CNTN1: variants seen among roughly 807,000 people sequenced by gnomAD.
CNTN1 encodes contactin-1.
Under a neutral mutation model 126.4 loss-of-function variants are expected in CNTN1, and 38 were observed. The observed-to-expected ratio is 0.30, with a 90% CI of 0.23 to 0.39. CNTN1 has a LOEUF of 0.39. Among genes scored for constraint, CNTN1 ranks in the 10% least tolerant of loss-of-function variants. CNTN1 has a pLI of 1.00. For missense variants in CNTN1, 1,009 were observed against 1,248.4 expected, an observed-to-expected ratio of 0.81 and a Z score of 2.89; for synonymous variants, 413 against 422.6, an observed-to-expected ratio of 0.98 and a Z score of 0.28.
chr12:40,804,965 CA>C (rs1393025794), intron 1 of CNTN1, among the ~76,000 whole-genome samples: 1 of 151,782 alleles, frequency 6.6e-6, no homozygotes, highest in Non-Finnish European at 1.5e-5. Flanking sequence ...TTTCCTTCTT[CA>C]AAGATATCAC....
intron 1 of CNTN1, among the ~76,000 whole-genome samples, chr12:40,844,356 A>G (rs573526551): frequency 6.6e-6 from 1 of 152,098 alleles, no homozygotes; most frequent in South Asian, 2.1e-4. Flanking sequence ...ATGAGCCACC[A>G]CGCCTGGCCA....
chr12:40,902,984 C>T (rs759289853), intron 1 of CNTN1, among the ~76,000 whole-genome samples: 3 of 152,112 alleles, frequency 2.0e-5, no homozygotes, highest in East Asian at 1.9e-4. Context: ...GAAAGAAAGA[C>T]GAAGATGTGT....
intron 1 of CNTN1, among the ~76,000 whole-genome samples, chr12:40,825,837 G>T (rs1941598440): frequency 6.6e-6 from 1 of 150,448 alleles, no homozygotes; most frequent in African/African-American, 2.4e-5. Context: ...CAATGATGAT[G>T]ATAATGATGA....
At chr12:40,925,563 A>G (rs1480500289) in intron 6 of CNTN1, among the ~76,000 whole-genome samples, 1 of 146,240 alleles carries the variant, frequency 6.8e-6, no homozygotes, top group Non-Finnish European at 1.5e-5. Context: ...ATATACACGT[A>G]TATATACGTA....
intron 16 of CNTN1, among the ~76,000 whole-genome samples, chr12:40,989,105 G>A (rs1032774941): frequency 2.6e-5 from 4 of 152,180 alleles, no homozygotes; most frequent in African/African-American, 4.8e-5. Flanking sequence ...TTGGCTTGAG[G>A]CATAAATCTG....
intron 1 of CNTN1, among the ~76,000 whole-genome samples, chr12:40,740,965 T>C (rs945556476): frequency 6.6e-6 from 1 of 152,046 alleles, no homozygotes; most frequent in Admixed American, 6.6e-5. Context: ...TTATTCAGTC[T>C]TGGGTATTTC....
At chr12:40,728,315 T>C (rs1942409369) in intron 1 of CNTN1, among the ~76,000 whole-genome samples, 1 of 152,190 alleles carries the variant, frequency 6.6e-6, no homozygotes, top group South Asian at 2.1e-4. Context: ...TCCCGCTCCA[T>C]AGTATCCTAA....
intron 1 of CNTN1, among the ~76,000 whole-genome samples, chr12:40,759,683 G>T (rs1437946281): frequency 6.6e-6 from 1 of 151,564 alleles, no homozygotes; most frequent in Non-Finnish European, 1.5e-5. Flanking sequence ...TGCCCAGGCT[G>T]GTCTTGAACT....
chr12:40,904,386 C>CTTCT (rs1565916000), intron 1 of CNTN1, among the ~76,000 whole-genome samples: 2,167 of 139,204 alleles, frequency 0.016, 62 homozygotes, highest in African/African-American at 0.055. Flanking sequence ...TCCTTCTTTC[C>CTTCT]TTCCTTCCTT....
chr12:40,893,265 T>C (rs7314325), intron 1 of CNTN1, among the ~76,000 whole-genome samples: 29,652 of 151,944 alleles, frequency 0.2, 5,053 homozygotes, highest in African/African-American at 0.47. Flanking sequence ...TAGTTTAAAA[T>C]TTAAGAATAG....
chr12:41,043,126 C>G (rs1458765783), intron 23 of CNTN1, among the ~76,000 whole-genome samples: 1 of 152,120 alleles, frequency 6.6e-6, no homozygotes, highest in Non-Finnish European at 1.5e-5. Context: ...AAAGCAATGG[C>G]AACAAAAGCC....
At chr12:40,716,876 C>G (rs1000670391) in intron 1 of CNTN1, among the ~76,000 whole-genome samples, 1 of 152,144 alleles carries the variant, frequency 6.6e-6, no homozygotes, top group African/African-American at 2.4e-5. Flanking sequence ...ATAAATATAA[C>G]CTGCTCCCAT....
Position 40,983,937 on chromosome 12 carries a change from A to ATTATAGCATATTTTATTATATGCTG in CNTN1, c.1963+2871_1963+2872insTATAGCATATTTTATTATATGCTGT, listed in dbSNP as rs1566089344. On this transcript the variant is annotated intron_variant, in intron 16 of 23. Coordinates refer to ENST00000551295, the MANE Select transcript of CNTN1 (RefSeq NM_001843.4). ...ATTATAGCATATTTTATTATATGCT[A>ATTATAGCATATTTTATTATATGCTG]TGTCATATATAGTAATATATATATT... Among the ~76,000 whole-genome samples the ATTATAGCATATTTTATTATATGCTG allele has an allele frequency of 1.6e-3, 216 of 134,806 alleles. 7 individuals carry two copies. Among genetic ancestry groups the ATTATAGCATATTTTATTATATGCTG allele is most frequent in the East Asian group, 6.6e-3 (31 of 4,704 alleles). 88.4% of individuals were successfully genotyped at this position (134,806 alleles called of 152,430 possible).
chr12:40,739,587 T>C (rs186740667), intron 1 of CNTN1, among the ~76,000 whole-genome samples: 1 of 152,198 alleles, frequency 6.6e-6, no homozygotes, highest in East Asian at 1.9e-4. Flanking sequence ...TTGCATTTTA[T>C]ATGGCAATCC....
chr12:40,996,840 A>C (rs1437937033), intron 17 of CNTN1, among the ~76,000 whole-genome samples: 1 of 152,242 alleles, frequency 6.6e-6, no homozygotes, highest in Non-Finnish European at 1.5e-5. Context: ...TTTTTATAAG[A>C]AAATAAAAAT....
intron 11 of CNTN1, 129 bp downstream of exon 11, chr12:40,937,816 G>C: frequency 1.4e-6 from 1 of 700,996 alleles, no homozygotes; most frequent in Non-Finnish European, 2.6e-6. Context: ...GTTGTTTACT[G>C]ATTTATTTAT....
intron 1 of CNTN1, among the ~76,000 whole-genome samples, chr12:40,854,838 C>T (rs115697997): frequency 0.015 from 2,218 of 152,032 alleles, 63 homozygotes; most frequent in African/African-American, 0.051. Flanking sequence ...AGGAAGATAG[C>T]CCAGAGGAGT....
At chr12:40,697,071 C>CA (rs1941468796) in intron 1 of CNTN1, among the ~76,000 whole-genome samples, 1 of 152,132 alleles carries the variant, frequency 6.6e-6, no homozygotes, top group Admixed American at 6.5e-5. Context: ...TTTGCATCGT[C>CA]AAGAACATGA....
intron 16 of CNTN1, among the ~76,000 whole-genome samples, chr12:40,984,458 C>T (rs1215298386): frequency 6.6e-6 from 1 of 152,164 alleles, no homozygotes; most frequent in Non-Finnish European, 1.5e-5. Flanking sequence ...AGCTTTCATT[C>T]ATGGTGAAAG....
Sources: allele counts gnomAD v4.1 joint callset (sites outside exome capture counted in the v4.1 genomes callset), GRCh38; gene constraint gnomAD v4.1.1; transcripts MANE v1.5; gene names NCBI Gene and HGNC (gene_info 2026-07-23, HGNC 2026-07-21).